Variants in COL6A2 observed in about 807,000 individuals in gnomAD.
COL6A2 encodes the protein collagen alpha-2(VI) chain.
In COL6A2, 90 loss-of-function variants were observed where a neutral mutation model predicts 124.9. The observed-to-expected ratio is 0.72, with a 90% CI of 0.61 to 0.86. COL6A2 has a LOEUF of 0.86. Among genes scored for constraint, COL6A2 ranks in the 40% least tolerant of loss-of-function variants. The pLI is 0.00. For synonymous variants in COL6A2, 793 were observed against 618.2 expected (o/e 1.28, Z -4.19); for missense variants, 1,607 against 1,502.5 (o/e 1.07, Z -1.15).
chr21:46,118,557 C>T (rs891627143), intron 12 of COL6A2, 57 bp from the exon 13 acceptor site: 3 of 1,569,096 alleles, frequency 1.9e-6, no homozygotes, highest in African/African-American at 2.7e-5. Flanking sequence ...CAGCGGGCAT[C>T]CTGCACCCCC....
chr21:46,118,649 G>A lies in COL6A2; in HGVS notation c.1152G>A (p.Pro384=), dbSNP rs148423929. The part of the protein sequence containing the change: ...DPGRPGRRGP[P]GEIGAKGSKG... Reference sequence around the variant, plus strand: ...GCCGCCCAGGACGCAGAGGGCCCCCGGGAGAAATCGGGGCCAAGGGAAGCA... The same window carrying A: ...GCCGCCCAGGACGCAGAGGGCCCCCAGGAGAAATCGGGGCCAAGGGAAGCA... Residue 384 remains proline (P), a synonymous_variant, in exon 13 of 28, where the codon CCG becomes CCA. Coordinates refer to ENST00000300527, the MANE Select transcript of COL6A2 (RefSeq NM_001849.4). The A allele has an allele frequency of 4.6e-5, 74 of 1,611,994 alleles. 1 individual carries two copies. In the Middle Eastern group the frequency reaches 4.9e-4, roughly 11 times the overall value.
At chr21:46,121,716 A>G (rs1046066691) in intron 18 of COL6A2, 98 bp downstream of exon 18, 1 of 1,250,090 alleles carries the variant, frequency 8.0e-7, no homozygotes, top group African/African-American at 1.5e-5. Flanking sequence ...TTGCCGGCAG[A>G]CGTGCCTCAG....
Position 46,122,904 on chromosome 21 carries a change from A to G in COL6A2, c.1638A>G (p.Gly546=). The change falls in exon 21 of 28, where the codon GGA becomes GGG. Residue 546 remains glycine (G), a synonymous_variant. Coordinates refer to ENST00000300527, the MANE Select transcript of COL6A2 (RefSeq NM_001849.4). Reference sequence around the variant, plus strand: ...GCCGAGGCGACTTTGGCTTGAAAGGAGAACCTGGGAGGAAAGGAGAGAAAG... The same window carrying G: ...GCCGAGGCGACTTTGGCTTGAAAGGGGAACCTGGGAGGAAAGGAGAGAAAG... ...EGGRGDFGLK[G]EPGRKGEKGE... is the part of the protein sequence containing the mutation. 1 of 1,613,362 alleles carries G rather than the reference A, an allele frequency of 6.2e-7. No individual in the cohort carries two copies. The highest frequency in any genetic ancestry group is 8.5e-7 in the Non-Finnish European group (1 of 1,179,956).
At chr21:46,105,768 A>C (rs2078329533) in intron 1 of COL6A2, among the ~76,000 whole-genome samples, 1 of 152,180 alleles carries the variant, frequency 6.6e-6, no homozygotes. Flanking sequence ...TTTCACCATC[A>C]AAAAAATTAA....
At chr21:46,129,627 C>T in intron 27 of COL6A2, 11 of 1,429,274 alleles carry the variant, frequency 7.7e-6, no homozygotes, top group South Asian at 3.0e-5. Flanking sequence ...CTTCCAGGGG[C>T]TCTGGGGCAG....
At position 46,129,612 on chromosome 21, in the gene COL6A2, C is replaced by T. The variant is rs1380994726; in HGVS notation, c.2462-2342C>T. On this transcript the variant is annotated intron_variant, in intron 27 of 27. Coordinates refer to ENST00000300527, the MANE Select transcript of COL6A2 (RefSeq NM_001849.4). Reference sequence around the variant, plus strand: ...TCTGGAATCGGGGTCAGCGGGGCTACAGTCCTTCCAGGGGCTCTGGGGCAG... The same window carrying T: ...TCTGGAATCGGGGTCAGCGGGGCTATAGTCCTTCCAGGGGCTCTGGGGCAG... The T allele has an allele frequency of 3.5e-6, 5 of 1,433,052 alleles. No individual in the cohort carries two copies. In the East Asian group the frequency reaches 1.0e-4, roughly 29 times the overall value. 88.8% of individuals were successfully genotyped at this position (1,433,052 alleles called of 1,614,324 possible).
Position 46,125,776 on chromosome 21 carries a change from G to T in COL6A2, c.1970-9G>T. 1 of 1,611,072 alleles carries T rather than the reference G, an allele frequency of 6.2e-7. No homozygotes were observed. Among genetic ancestry groups the T allele is most frequent in the Non-Finnish European group, 8.5e-7 (1 of 1,178,508 alleles). On this transcript the variant is annotated splice_polypyrimidine_tract_variant and intron_variant, in intron 25 of 27. Transcript: ENST00000300527. The stretch of plus-strand genomic sequence containing the variant: ...CCTCTGGCAACGACCTCACGCGTGC[G>T]GCTTGCAGGGACGCGTGTGGGCGTG...
rs557155359 is a variant in COL6A2 at position 46,128,562 on chromosome 21, G to A, written c.2461+2021G>A. Among the ~76,000 whole-genome samples the A allele has an allele frequency of 2.6e-5, 4 of 152,194 alleles. No homozygotes were observed. The South Asian group carries it at 8.3e-4, about 31-fold the overall frequency. On this transcript the variant is annotated intron_variant, in intron 27 of 27. Transcript: ENST00000300527. Reference sequence around the variant, plus strand: ...ACCCTGGGCCTGCAGCAGGCCTGTGGAGTTCTCAGTTGCGTGGGGACCAGA... The same window carrying A: ...ACCCTGGGCCTGCAGCAGGCCTGTGAAGTTCTCAGTTGCGTGGGGACCAGA...
At chr21:46,121,496 A>T in intron 17 of COL6A2, 60 bp from the exon 18 acceptor site, 9 of 1,529,728 alleles carry the variant, frequency 5.9e-6, no homozygotes, top group Non-Finnish European at 8.1e-6. Context: ...ATGTCAGGTG[A>T]CCCCTGGGCA....
intron 1 of COL6A2, among the ~76,000 whole-genome samples, chr21:46,103,988 T>A (rs1419851023): frequency 6.6e-6 from 1 of 152,198 alleles, no homozygotes; most frequent in Non-Finnish European, 1.5e-5. Flanking sequence ...TCATTGCACA[T>A]GCTCAGGGGA....
In COL6A2 at chr21:46,126,578, G is replaced by C; in HGVS notation, c.2461+37G>C. 1.9e-6 allele frequency: 3 copies of C among 1,612,618 alleles called. No homozygotes were observed. In the South Asian group the frequency reaches 3.3e-5, roughly 18 times the overall value. On this transcript the variant is annotated intron_variant, in intron 27 of 27. Transcript: ENST00000300527. ...CACCCTGAGCCACCACCCCAGACTA[G>C]CAAAGCAGCCCTGGTGTCCTTCCTC...
chr21:46,129,051 A>C, intron 27 of COL6A2: 1 of 1,599,442 alleles, frequency 6.3e-7, no homozygotes, highest in Non-Finnish European at 8.5e-7. Flanking sequence ...CGAGCCACAC[A>C]CCCGCTCCAC....
chr21:46,117,888 C>T lies in COL6A2; in HGVS notation c.1068C>T (p.Tyr356=), dbSNP rs755331674. 2.5e-6 allele frequency: 4 copies of T among 1,612,322 alleles called. No individual in the cohort carries two copies. The African/African-American group carries it at 4.0e-5, about 16-fold the overall frequency. The part of the protein sequence containing the change: ...GDPGNRGPDG[Y]PGEAGSPGER... ...TCCTCTCTCAGGGCCCCGACGGTTA[C>T]CCGGGGGAAGCAGGGAGTCCAGGGG... The change falls in exon 12 of 28, where the codon TAC becomes TAT. Residue 356 remains tyrosine, a synonymous_variant. Coordinates refer to ENST00000300527, the MANE Select transcript of COL6A2 (RefSeq NM_001849.4).
Position 46,125,866 on chromosome 21 carries a change from T to G in COL6A2, c.2051T>G (p.Leu684Arg), listed in dbSNP as rs1484186851. The G allele has an allele frequency of 6.2e-7, 1 of 1,612,978 alleles. No individual in the cohort carries two copies. Among genetic ancestry groups the G allele is most frequent in the South Asian group, 1.1e-5 (1 of 91,076 alleles). ...IQLDDERIDS[L>R]SSFKEAVKNL... ...CTGGACGACGAACGTATCGACTCCC[T>G]GTCGAGCTTCAAGGAGGCTGTCAAG... is the stretch of plus-strand genomic sequence containing the variant. Residue 684 changes from leucine (L) to arginine (R), a missense_variant, in exon 26 of 28, where the codon CTG becomes CGG. Around this residue, in one of 3 missense-constraint regions of COL6A2, gnomAD observed 1,223 missense variants for 1,052.2 expected, o/e 1.16. Transcript: ENST00000300527.
At chr21:46,119,721 C>T in intron 14 of COL6A2, 67 bp from the exon 15 acceptor site, 1 of 1,443,662 alleles carries the variant, frequency 6.9e-7, no homozygotes, top group Non-Finnish European at 9.5e-7. Flanking sequence ...CGGCACAGCC[C>T]CCACCCTCCA....
At chr21:46,121,146 G>T in intron 17 of COL6A2, 23 bp downstream of exon 17, 1 of 1,611,258 alleles carries the variant, frequency 6.2e-7, no homozygotes, top group Non-Finnish European at 8.5e-7. Context: ...GCAGGAGGCC[G>T]GTGCCCTCTG....
intron 27 of COL6A2, among the ~76,000 whole-genome samples, chr21:46,130,851 C>T (rs1457560459): frequency 6.6e-6 from 1 of 152,208 alleles, no homozygotes; most frequent in South Asian, 2.1e-4. Context: ...AGCTGCGTCA[C>T]TCATAAGCTC....
At chr21:46,114,233 TG>T (rs2078441757) in intron 5 of COL6A2, among the ~76,000 whole-genome samples, 160 bp downstream of exon 5, 1 of 152,100 alleles carries the variant, frequency 6.6e-6, no homozygotes, top group South Asian at 2.1e-4. Context: ...GAGACCATCC[TG>T]GCTAACATGG....
rs773282809 is a variant in COL6A2, at chr21:46,126,244, G to C, written c.2422+7G>C. ...GAGGACGTCCTCTGCCCGGGTGAGC[G>C]TGTGGGCGCGGGGCAGTCGGCCGAG... On this transcript the variant is annotated splice_region_variant and intron_variant, in intron 26 of 27. Transcript: ENST00000300527. 1.3e-6 allele frequency: 2 copies of C among 1,598,060 alleles called. No individual in the cohort carries two copies. The highest frequency in any genetic ancestry group is 1.7e-6 in the Non-Finnish European group (2 of 1,178,334).
Sources: gnomAD v4.1 joint callset for allele counts (sites outside exome capture counted in the v4.1 genomes callset) on GRCh38, gnomAD v4.1.1 for gene constraint, gnomAD v4.1.1 regional missense constraint, MANE v1.5 for transcripts, NCBI Gene and HGNC (gene_info 2026-07-23, HGNC 2026-07-21) for gene names.